The following DLGAP2 variants were observed in gnomAD, a reference collection of about 807,000 sequenced individuals.
The protein encoded by DLGAP2 is disks large-associated protein 2.
In DLGAP2, 26 loss-of-function variants were observed where a neutral mutation model predicts 100.3. That is an observed-to-expected ratio of 0.26 (90% CI 0.19 to 0.36). The LOEUF is 0.36. DLGAP2 is among the 10% of genes least tolerant of loss of function. DLGAP2 has a pLI of 1.00. For missense variants in DLGAP2, 1,858 were observed against 1,453.2 expected, an observed-to-expected ratio of 1.28 and a Z score of -4.53; for synonymous variants, 886 against 630.1, an observed-to-expected ratio of 1.41 and a Z score of -6.08.
At chr8:1,003,494 A>G (rs753401975) in intron 2 of DLGAP2, among the ~76,000 whole-genome samples, 3 of 152,232 alleles carry the variant, frequency 2.0e-5, no homozygotes, top group African/African-American at 4.8e-5. Context: ...TTGTCTAACA[A>G]TCCATTGGTT....
chr8:837,664 ATGTGTG>A (rs34602128), intron 1 of DLGAP2, among the ~76,000 whole-genome samples: 5 of 145,982 alleles, frequency 3.4e-5, no homozygotes, highest in African/African-American at 1.3e-4. Flanking sequence ...GTTTGTGTGT[ATGTGTG>A]TGTGTGTGTG....
chr8:971,665 C>T (rs560503968), intron 2 of DLGAP2, among the ~76,000 whole-genome samples: 17 of 152,262 alleles, frequency 1.1e-4, no homozygotes, highest in African/African-American at 2.2e-4. Flanking sequence ...GAAAAATACC[C>T]GCATACTTCT....
chr8:962,460 G>T (rs191212610), intron 2 of DLGAP2, among the ~76,000 whole-genome samples: 52 of 152,312 alleles, frequency 3.4e-4, no homozygotes, highest in African/African-American at 1.3e-3. Flanking sequence ...ACCCGTCCTT[G>T]CACTGTGGCC....
At chr8:761,315 C>CA (rs1275170237) in intron 1 of DLGAP2, among the ~76,000 whole-genome samples, 1 of 152,202 alleles carries the variant, frequency 6.6e-6, no homozygotes, top group African/African-American at 2.4e-5. Flanking sequence ...TACTGTCACT[C>CA]ACTGGGGGTT....
intron 3 of DLGAP2, among the ~76,000 whole-genome samples, chr8:1,319,322 C>G (rs1255837346): frequency 1.3e-5 from 2 of 152,326 alleles, no homozygotes; most frequent in South Asian, 2.1e-4. Flanking sequence ...CTGAGACCAA[C>G]CTTCTCTGAC....
intron 2 of DLGAP2, among the ~76,000 whole-genome samples, chr8:923,498 A>T (rs1182427838): frequency 6.6e-6 from 1 of 152,250 alleles, no homozygotes. Flanking sequence ...TTAACCCTGC[A>T]TTCAGAATGA....
chr8:963,425 T>G (rs1417601038), intron 2 of DLGAP2, among the ~76,000 whole-genome samples: 1 of 152,240 alleles, frequency 6.6e-6, no homozygotes, highest in African/African-American at 2.4e-5. Flanking sequence ...CCTTTTCTTA[T>G]TTAATTACCA....
rs541668606 is a variant in DLGAP2 at position 1,292,652 on chromosome 8, G to A, written c.106+33769G>A. On this transcript the variant is annotated intron_variant, in intron 3 of 14. Coordinates refer to ENST00000637795, the MANE Select transcript of DLGAP2 (RefSeq NM_001346810.2). ...CACATATTCTGTTACCCAATGTAAC[G>A]GCCTCCGTCGCTCGGACGCTTTGTA... is the stretch of plus-strand genomic sequence containing the variant. 8.9e-4 allele frequency among the ~76,000 whole-genome samples: 136 copies of A among 152,250 alleles called. 2 individuals carry two copies. Among genetic ancestry groups the A allele is most frequent in the South Asian group, 2.3e-3 (11 of 4,818 alleles).
At chr8:1,682,878 T>A (rs1168213882) in intron 12 of DLGAP2, among the ~76,000 whole-genome samples, 1 of 151,664 alleles carries the variant, frequency 6.6e-6, no homozygotes, top group African/African-American at 2.4e-5. Context: ...TGACTCCAAA[T>A]TATATTCCCC....
At chr8:1,279,492 G>A (rs775719853) in intron 3 of DLGAP2, among the ~76,000 whole-genome samples, 11 of 152,322 alleles carry the variant, frequency 7.2e-5, no homozygotes, top group Non-Finnish European at 1.5e-4. Context: ...AAGGTGCTGC[G>A]GAGGGAAATT....
In DLGAP2 at chr8:795,883, G is replaced by A. The variant is rs78835759; in HGVS notation, c.18+58058G>A. Among the ~76,000 whole-genome samples, 28 of 126,668 alleles carry A rather than the reference G, an allele frequency of 2.2e-4. 4 individuals carry two copies. Among genetic ancestry groups the A allele is most frequent in the Admixed American group, 4.3e-4 (5 of 11,676 alleles). 83.1% of individuals were successfully genotyped at this position (126,668 alleles called of 152,430 possible). On this transcript the variant is annotated intron_variant, in intron 1 of 14. Transcript: ENST00000637795. ...CAGTGAGAGCAGGCGTCCAGTGAGA[G>A]CAGGCGTCCAGTGAGAGCAGCTGTC...
At chr8:1,135,569 C>T (rs1002634736) in intron 2 of DLGAP2, among the ~76,000 whole-genome samples, 8 of 121,260 alleles carry the variant, frequency 6.6e-5, no homozygotes, top group African/African-American at 1.6e-4. Context: ...AAGGGGCATG[C>T]GGTCTTTCAG....
At chr8:1,625,705 G>A (rs1797473511) in intron 6 of DLGAP2, among the ~76,000 whole-genome samples, 2 of 152,218 alleles carry the variant, frequency 1.3e-5, no homozygotes, top group South Asian at 4.1e-4. Flanking sequence ...CTATTATGCT[G>A]TGTGAGTTAC....
At position 1,565,776 on chromosome 8, in the gene DLGAP2, A is replaced by T; in HGVS notation, c.1324A>T (p.Met442Leu). The T allele has an allele frequency of 6.2e-7, 1 of 1,613,954 alleles. No individual in the cohort carries two copies. ...RMRSGSYIKA[M>L]GDEESGESDS... Reference sequence around the variant, plus strand: ...GAGAAGTGGGAGTTACATTAAAGCCATGGGGGACGAGGAGAGCGGAGAGTC... The same window carrying T: ...GAGAAGTGGGAGTTACATTAAAGCCTTGGGGGACGAGGAGAGCGGAGAGTC... Residue 442 changes from methionine (M) to leucine (L), a missense_variant, in exon 6 of 15, where the codon ATG becomes TTG. Coordinates refer to ENST00000637795, the MANE Select transcript of DLGAP2 (RefSeq NM_001346810.2).
intron 2 of DLGAP2, among the ~76,000 whole-genome samples, chr8:989,234 G>A (rs896070181): frequency 6.6e-6 from 1 of 152,144 alleles, no homozygotes; most frequent in Non-Finnish European, 1.5e-5. Flanking sequence ...CTCCCCCGGA[G>A]TCCCTCTGGG....
intron 2 of DLGAP2, among the ~76,000 whole-genome samples, chr8:1,022,699 C>T (rs1350116118): frequency 6.6e-6 from 1 of 151,280 alleles, no homozygotes; most frequent in East Asian, 2.0e-4. Context: ...CAGCACCCAC[C>T]CTCCCTGGGG....
At chr8:1,601,262 C>T (rs552971906) in intron 6 of DLGAP2, among the ~76,000 whole-genome samples, 3 of 152,338 alleles carry the variant, frequency 2.0e-5, no homozygotes, top group East Asian at 3.9e-4. Context: ...CCCAGAGGGA[C>T]TCCTGCCAGA....
At chr8:1,111,765 C>G (rs1051091537) in intron 2 of DLGAP2, among the ~76,000 whole-genome samples, 1 of 152,146 alleles carries the variant, frequency 6.6e-6, no homozygotes, top group African/African-American at 2.4e-5. Flanking sequence ...TATAGTATTC[C>G]ATGGTATAGA....
At chr8:850,223 T>C (rs1797160519) in intron 1 of DLGAP2, among the ~76,000 whole-genome samples, 1 of 152,136 alleles carries the variant, frequency 6.6e-6, no homozygotes, top group Admixed American at 6.5e-5. Flanking sequence ...GTCAAAACAG[T>C]GTTTTGAATA....
Sources: allele counts gnomAD v4.1 joint callset (sites outside exome capture counted in the v4.1 genomes callset), GRCh38; gene constraint gnomAD v4.1.1; transcripts MANE v1.5; gene names NCBI Gene and HGNC (gene_info 2026-07-23, HGNC 2026-07-21).